KHSRP: variants seen among roughly 807,000 people sequenced by gnomAD.
The protein encoded by KHSRP is KH-type splicing regulatory protein.
A neutral mutation model predicts 94.9 loss-of-function variants in KHSRP; 13 were observed. The observed-to-expected ratio is 0.14, with a 90% confidence interval of 0.09 to 0.22. KHSRP has a LOEUF of 0.22. Among genes scored for constraint, KHSRP ranks in the 10% least tolerant of loss-of-function variants. KHSRP has a pLI of 1.00. For synonymous variants in KHSRP, 495 were observed against 401.4 expected, an observed-to-expected ratio of 1.23 and a Z score of -2.79; for missense variants, 710 against 1,010.0, an observed-to-expected ratio of 0.70 and a Z score of 4.03.
At chr19:6,420,778 C>T (rs2145122427) in intron 4 of KHSRP, among the ~76,000 whole-genome samples, 1 of 152,336 alleles carries the variant, frequency 6.6e-6, no homozygotes, top group East Asian at 1.9e-4. Context: ...TCTTATTTTC[C>T]TAGTATTTTA....
At chr19:6,422,852 T>A (rs576315790) in intron 1 of KHSRP, among the ~76,000 whole-genome samples, 2 of 152,236 alleles carry the variant, frequency 1.3e-5, no homozygotes, top group Admixed American at 1.3e-4. Flanking sequence ...TTAGCCCCGT[T>A]TTCCTGGGAT....
rs757588744 is a variant in KHSRP, at chr19:6,424,744, A to AGGCGGCGGCGGC, written c.-55_-44dup. 2.2e-6 allele frequency: 2 copies of AGGCGGCGGCGGC among 922,944 alleles called. No individual in the cohort carries two copies. The highest frequency in any genetic ancestry group is 3.6e-5 in the African/African-American group (2 of 55,744). 57.2% of individuals were successfully genotyped at this position (922,944 alleles called of 1,614,324 possible). Reference sequence around the variant, plus strand: ...CCTGGCGCGGAGGCTGAAGCTGAGGAGGCGGCGGCGGCGGCGGCGGCTCAA... The same window carrying AGGCGGCGGCGGC: ...CCTGGCGCGGAGGCTGAAGCTGAGGAGGCGGCGGCGGCGGCGGCGGCGGCGGCGGCGGCTCAA... On this transcript the variant is annotated 5_prime_UTR_variant, in exon 1 of 19. Transcript: ENST00000600480.
chr19:6,418,780 G>A lies in KHSRP; in HGVS notation c.702C>T (p.Thr234=), dbSNP rs75538556. ...CCGCGGGGATCATGATCTCCTGCAC[G>A]GTGCCGTTCTGGCCCCCGTTGGCGT... ...HDNANGGQNG[T]VQEIMIPAGK... Residue 234 remains threonine, a synonymous_variant, in exon 8 of 19, where the codon ACC becomes ACT. Coordinates refer to ENST00000600480, the MANE Select transcript of KHSRP (RefSeq NM_001366299.1). This position sits in a 1 kb window ranked among gnomAD's most constrained non-coding sequence, Gnocchi z 4.3. 14 of 1,606,778 alleles carry A rather than the reference G, an allele frequency of 8.7e-6. No homozygotes were observed. Among genetic ancestry groups the A allele is most frequent in the Admixed American group, 5.2e-5 (3 of 57,518 alleles).
chr19:6,419,288 C>T, intron 6 of KHSRP, 28 bp from the exon 7 acceptor site: 5 of 1,539,818 alleles, frequency 3.2e-6, no homozygotes, highest in Non-Finnish European at 4.4e-6. Flanking sequence ...AGTCAGTGCC[C>T]TCCCTGGCCC....
Position 6,418,786 on chromosome 19 carries a change from G to A in KHSRP, c.696C>T (p.Asn232=), listed in dbSNP as rs1431409910. The change falls in exon 8 of 19, where the codon AAC becomes AAT. Residue 232 remains asparagine (N), a synonymous_variant. Coordinates refer to ENST00000600480, the MANE Select transcript of KHSRP (RefSeq NM_001366299.1). The surrounding 1 kb of genome is among the most constrained non-coding windows in gnomAD (Gnocchi z 4.3). ...QFHDNANGGQ[N]GTVQEIMIPA... ...GGATCATGATCTCCTGCACGGTGCC[G>A]TTCTGGCCCCCGTTGGCGTTGTCGT... 4.4e-6 allele frequency: 7 copies of A among 1,602,886 alleles called. No individual in the cohort carries two copies. The highest frequency in any genetic ancestry group is 1.1e-5 in the South Asian group (1 of 89,754).
chr19:6,419,638 G>A (rs1219200795), intron 6 of KHSRP, among the ~76,000 whole-genome samples: 1 of 152,208 alleles, frequency 6.6e-6, no homozygotes, highest in Non-Finnish European at 1.5e-5. Context: ...AGGACTCTGA[G>A]ATTCGAAAGG....
Position 6,414,374 on chromosome 19 carries a change from G to A in KHSRP, c.*650C>T. The stretch of plus-strand genomic sequence containing the variant: ...GAAGAGAGGAGAGGGGCCGCGGAGG[G>A]CGGAGGCGCTAGGGTCGTAGGGGAG... On this transcript the variant is annotated 3_prime_UTR_variant, in exon 19 of 19. Transcript: ENST00000600480. 1 of 1,348,118 alleles carries A rather than the reference G, an allele frequency of 7.4e-7. No homozygotes were observed. The highest frequency in any genetic ancestry group is 9.5e-7 in the Non-Finnish European group (1 of 1,048,116). The allele number at this position is 1,348,118 out of a possible 1,614,324, so 83.5% of individuals were successfully genotyped here.
intron 1 of KHSRP, among the ~76,000 whole-genome samples, chr19:6,423,020 C>T (rs2092204435): frequency 6.6e-6 from 1 of 152,224 alleles, no homozygotes. Flanking sequence ...TGACTTATGC[C>T]TGTAATCCCA....
Position 6,414,758 on chromosome 19 carries a change from T to C in KHSRP, c.*266A>G. 9.1e-7 allele frequency: 1 copy of C among 1,093,154 alleles called. No individual in the cohort carries two copies. Among genetic ancestry groups the C allele is most frequent in the Non-Finnish European group, 1.1e-6 (1 of 899,716 alleles). The allele number at this position is 1,093,154 out of a possible 1,614,324, so 67.7% of individuals were successfully genotyped here. A position where few individuals can be genotyped will look rare whatever the true frequency, so the allele number is the denominator to read the frequency against. ...GAAGGGGAAAAAATAGACGTTTTCTTCCCAAGTGGCCAGATTGTGAGCGAG... is the reference window on the plus strand; with the variant it reads ...GAAGGGGAAAAAATAGACGTTTTCTCCCCAAGTGGCCAGATTGTGAGCGAG... On this transcript the variant is annotated 3_prime_UTR_variant, in exon 19 of 19. Transcript: ENST00000600480.
rs898282332 is a variant in KHSRP, at chr19:6,414,019, G to A, written c.*1005C>T. Reference sequence around the variant, plus strand: ...CCCAGTACTCCCCACGGCAGCCATCGCTCTCTCGCCAAACAAAACAGAAGC... The same window carrying A: ...CCCAGTACTCCCCACGGCAGCCATCACTCTCTCGCCAAACAAAACAGAAGC... On this transcript the variant is annotated 3_prime_UTR_variant, in exon 19 of 19. Coordinates refer to ENST00000600480, the MANE Select transcript of KHSRP (RefSeq NM_001366299.1). 7.4e-5 allele frequency: 109 copies of A among 1,474,160 alleles called. No homozygotes were observed. Among genetic ancestry groups the A allele is most frequent in the Middle Eastern group, 2.5e-4 (1 of 4,072 alleles). 91.3% of individuals were successfully genotyped at this position (1,474,160 alleles called of 1,614,324 possible). A position where few individuals can be genotyped will look rare whatever the true frequency, so the allele number is the denominator to read the frequency against.
In KHSRP at chr19:6,424,705, G is replaced by A; in HGVS notation, c.-4C>T. On this transcript the variant is annotated 5_prime_UTR_variant, in exon 1 of 19. Coordinates refer to ENST00000600480, the MANE Select transcript of KHSRP (RefSeq NM_001366299.1). ...CTCCCGTGCTGTAGTCCGACATGGC[G>A]CGGCGGGGCCGGGCCTGGCGCGGAG... 2.9e-6 allele frequency: 3 copies of A among 1,034,412 alleles called. No homozygotes were observed. Among genetic ancestry groups the A allele is most frequent in the Non-Finnish European group, 3.5e-6 (3 of 861,274 alleles). The allele number at this position is 1,034,412 out of a possible 1,614,324, so 64.1% of individuals were successfully genotyped here.
At chr19:6,415,765 G>A (rs761172391) in intron 16 of KHSRP, 31 bp from the exon 17 acceptor site, 2 of 1,552,206 alleles carry the variant, frequency 1.3e-6, no homozygotes, top group East Asian at 2.4e-5. Context: ...GAGACGGGGG[G>A]ACAGAACAGG....
In KHSRP at chr19:6,422,397, T is replaced by G; in HGVS notation, c.289A>C (p.Asn97His). The change falls in exon 2 of 19, where the codon AAT (asparagine) becomes CAT (histidine). Residue 97 changes from asparagine (N) to histidine (H), a missense_variant. By Grantham distance (68) the Asn-to-His change is moderately conservative. Around this residue, in one of 5 missense-constraint regions of KHSRP, gnomAD observed 288 missense variants for 501.1 expected, o/e 0.57. Coordinates refer to ENST00000600480, the MANE Select transcript of KHSRP (RefSeq NM_001366299.1). Reference sequence around the variant, plus strand: ...AAACCAAAATCAGGAGTGCTGTTATTCACTGTCGTGGCAGCATCGCCTCCA... The same window carrying G: ...AAACCAAAATCAGGAGTGCTGTTATGCACTGTCGTGGCAGCATCGCCTCCA... ...KIGGDAATTV[N>H]NSTPDFGFGG... 1 of 1,613,904 alleles carries G rather than the reference T, an allele frequency of 6.2e-7. No homozygotes were observed. The highest frequency in any genetic ancestry group is 1.7e-5 in the Admixed American group (1 of 60,026).
rs565813868 is a variant in KHSRP, at chr19:6,423,079, A to G, written c.250-643T>C. Among the ~76,000 whole-genome samples the G allele has an allele frequency of 3.3e-5, 5 of 152,322 alleles. No homozygotes were observed. In the South Asian group the frequency reaches 8.3e-4, roughly 25 times the overall value. On this transcript the variant is annotated intron_variant, in intron 1 of 18. Coordinates refer to ENST00000600480, the MANE Select transcript of KHSRP (RefSeq NM_001366299.1). ...CAGATCACTTGAACTCAGGAGTTCG[A>G]GACAGACTGGCTGACATGGTCAAAC...
At chr19:6,419,361 T>G in intron 6 of KHSRP, 101 bp from the exon 7 acceptor site, 1 of 1,077,992 alleles carries the variant, frequency 9.3e-7, no homozygotes, top group Non-Finnish European at 1.3e-6. Flanking sequence ...GGGCCACTTC[T>G]GTCCCATTCA....
At position 6,414,279 on chromosome 19, in the gene KHSRP, G is replaced by A; in HGVS notation, c.*745C>T. The A allele has an allele frequency of 7.0e-7, 1 of 1,422,178 alleles. No homozygotes were observed. Among genetic ancestry groups the A allele is most frequent in the Non-Finnish European group, 9.2e-7 (1 of 1,082,224 alleles). 88.1% of individuals were successfully genotyped at this position (1,422,178 alleles called of 1,614,324 possible). ...GGCTGGAAGGACGTGCTTGTTAACTGTCTAGCCAGGTGCTCGCGGGACTCG... is the reference window on the plus strand; with the variant it reads ...GGCTGGAAGGACGTGCTTGTTAACTATCTAGCCAGGTGCTCGCGGGACTCG... On this transcript the variant is annotated 3_prime_UTR_variant, in exon 19 of 19. Transcript: ENST00000600480.
rs185157331 is a variant in KHSRP at position 6,414,589 on chromosome 19, G to A, written c.*435C>T. 2.5e-3 allele frequency: 2,536 copies of A among 1,016,162 alleles called. 53 individuals are homozygous for A. In the African/African-American group the frequency reaches 0.038, roughly 15 times the overall value. The allele number at this position is 1,016,162 out of a possible 1,614,324, so 62.9% of individuals were successfully genotyped here. ...ATGGGAGGCTGAGCCCGGCGGGGCAGGGGCCTGGGCCGCTCCCCGCGTCCC... is the reference window on the plus strand; with the variant it reads ...ATGGGAGGCTGAGCCCGGCGGGGCAAGGGCCTGGGCCGCTCCCCGCGTCCC... On this transcript the variant is annotated 3_prime_UTR_variant, in exon 19 of 19. Transcript: ENST00000600480.
chr19:6,421,824 G>T lies in KHSRP; in HGVS notation c.347-136C>A, dbSNP rs57169215. 2,825 of 975,286 alleles carry T rather than the reference G, an allele frequency of 2.9e-3. 53 individuals are homozygous for T. In the African/African-American group the frequency reaches 0.041, roughly 14 times the overall value. The allele number at this position is 975,286 out of a possible 1,614,324, so 60.4% of individuals were successfully genotyped here. Reference sequence around the variant, plus strand: ...TAACAGGAGCTGAGACAGGAGCCCAGGAGAGACTGGCCCCTGAGGGAGGCC... The same window carrying T: ...TAACAGGAGCTGAGACAGGAGCCCATGAGAGACTGGCCCCTGAGGGAGGCC... On this transcript the variant is annotated intron_variant, in intron 2 of 18. Coordinates refer to ENST00000600480, the MANE Select transcript of KHSRP (RefSeq NM_001366299.1).
At position 6,418,471 on chromosome 19, in the gene KHSRP, G is replaced by C; in HGVS notation, c.879+12C>G. 16 of 1,608,548 alleles carry C rather than the reference G, an allele frequency of 9.9e-6. No homozygotes were observed. Among genetic ancestry groups the C allele is most frequent in the Non-Finnish European group, 1.4e-5 (16 of 1,175,642 alleles). On this transcript the variant is annotated intron_variant, in intron 9 of 18. Coordinates refer to ENST00000600480, the MANE Select transcript of KHSRP (RefSeq NM_001366299.1). The surrounding 1 kb of genome is among the most constrained non-coding windows in gnomAD (Gnocchi z 4.3). ...CTCCAGAACCCCCTCCACCACCCCA[G>C]GGCGTGCTCACCTGCACTTTGTAAG...
Sources: allele counts gnomAD v4.1 joint callset (sites outside exome capture counted in the v4.1 genomes callset), GRCh38; gene constraint gnomAD v4.1.1; regional missense constraint gnomAD v4.1.1; non-coding constraint Gnocchi (gnomAD v3.1); transcripts MANE v1.5; gene names NCBI Gene and HGNC (gene_info 2026-07-23, HGNC 2026-07-21).